The following TLN2 variants were observed in gnomAD, a reference collection of about 807,000 sequenced individuals.
TLN2 encodes talin-2.
TLN2 carries 118 observed loss-of-function variants against 294.7 expected under a neutral mutation model. The ratio of observed to expected loss-of-function variants is 0.40; its 90% CI spans 0.34 to 0.47. The LOEUF is 0.47. Ranked by LOEUF, TLN2 falls within the 20% of genes least tolerant of loss-of-function variation. The pLI is 0.84. For missense variants in TLN2, 3,083 were observed against 3,282.2 expected (o/e 0.94, Z 1.48); for synonymous variants, 1,431 against 1,304.5 (o/e 1.10, Z -2.09).
rs752300501 is a variant in TLN2 at position 62,840,632 on chromosome 15, G to T, written c.*22G>T. 4 of 1,610,830 alleles carry T rather than the reference G, an allele frequency of 2.5e-6. No homozygotes were observed. The highest frequency in any genetic ancestry group is 2.7e-5 in the African/African-American group (2 of 74,716). The stretch of plus-strand genomic sequence containing the variant: ...CTAAAGGTGCGAGCCCAGATGGCGA[G>T]CCCCAGGGGATGGCCCTGGCTGAAC... On this transcript the variant is annotated 3_prime_UTR_variant, in exon 59 of 59. Transcript: ENST00000636159.
At chr15:62,830,364 G>A (rs1296161962) in intron 54 of TLN2, 1 of 152,588 alleles carries the variant, frequency 6.6e-6, no homozygotes, top group Non-Finnish European at 1.5e-5. Flanking sequence ...GCACCATGTT[G>A]TTCTTCTTAG....
intron 11 of TLN2, 46 bp from the exon 12 acceptor site, chr15:62,686,595 A>T (rs1008656270): frequency 2.5e-6 from 4 of 1,575,606 alleles, no homozygotes; most frequent in African/African-American, 2.7e-5. Context: ...GCAAAGTCAG[A>T]TGTATTCAGA....
intron 43 of TLN2, among the ~76,000 whole-genome samples, chr15:62,780,397 G>A (rs1023270829): frequency 6.6e-6 from 1 of 152,140 alleles, no homozygotes; most frequent in African/African-American, 2.4e-5. Context: ...GTAACCATGT[G>A]ATGCCTGGAA....
At chr15:62,486,953 C>T (rs559118693) in intron 1 of TLN2, among the ~76,000 whole-genome samples, 3 of 152,194 alleles carry the variant, frequency 2.0e-5, no homozygotes, top group African/African-American at 7.2e-5. Flanking sequence ...GATTTGAACA[C>T]ACCGTTAATC....
chr15:62,725,756 G>A (rs1468385185), intron 27 of TLN2, among the ~76,000 whole-genome samples: 1 of 152,136 alleles, frequency 6.6e-6, no homozygotes, highest in African/African-American at 2.4e-5. Context: ...AAACACAGAG[G>A]CACAGAGTTT....
chr15:62,566,711 A>G (rs1339698067), intron 1 of TLN2, among the ~76,000 whole-genome samples: 1 of 150,606 alleles, frequency 6.6e-6, no homozygotes, highest in Non-Finnish European at 1.5e-5. Flanking sequence ...GCAGCCCCAA[A>G]CTCCTGGACT....
intron 3 of TLN2, 72 bp from the exon 4 acceptor site, chr15:62,647,202 CT>C: frequency 4.2e-6 from 6 of 1,413,832 alleles, no homozygotes; most frequent in South Asian, 2.8e-5. Context: ...AAGTCCAGCA[CT>C]TTTTTTGTTT....
At chr15:62,593,659 C>G (rs1054317074) in intron 2 of TLN2, among the ~76,000 whole-genome samples, 3 of 152,136 alleles carry the variant, frequency 2.0e-5, no homozygotes, top group Admixed American at 2.0e-4. Flanking sequence ...AAAACAATCA[C>G]TTTTCTTTTT....
At chr15:62,524,176 A>G (rs766440005) in intron 1 of TLN2, among the ~76,000 whole-genome samples, 3 of 152,226 alleles carry the variant, frequency 2.0e-5, no homozygotes, top group Non-Finnish European at 4.4e-5. Flanking sequence ...ATTCTGGGCT[A>G]TTCCAGCATT....
At chr15:62,834,705 A>G (rs182874650) in intron 55 of TLN2, 1 of 152,200 alleles carries the variant, frequency 6.6e-6, no homozygotes, top group Admixed American at 6.5e-5. Context: ...CGGAATGCCA[A>G]CCTTGTCCGT....
intron 1 of TLN2, among the ~76,000 whole-genome samples, chr15:62,566,264 ACTT>A (rs1315974460): frequency 6.6e-6 from 1 of 152,090 alleles, no homozygotes; most frequent in Non-Finnish European, 1.5e-5. Context: ...GGACATCAGT[ACTT>A]CTCTGTTCGT....
chr15:62,428,953 TCACTGACTCA>T (rs1299122163), intron 1 of TLN2, among the ~76,000 whole-genome samples: 3 of 152,124 alleles, frequency 2.0e-5, no homozygotes, highest in Non-Finnish European at 2.9e-5. Context: ...TCACCCAGAC[TCACTGACTCA>T]GAGCTTCTGG....
chr15:62,750,581 G>T, intron 34 of TLN2, 90 bp downstream of exon 34: 2 of 1,152,132 alleles, frequency 1.7e-6, no homozygotes, highest in Non-Finnish European at 2.6e-6. Flanking sequence ...TCTGCCTGTG[G>T]CTGGTCTGCA....
intron 11 of TLN2, among the ~76,000 whole-genome samples, chr15:62,680,033 A>C (rs1490718067): frequency 6.6e-6 from 1 of 152,194 alleles, no homozygotes; most frequent in East Asian, 1.9e-4. Flanking sequence ...TTCTTGTTCA[A>C]ATATGTGTCC....
At chr15:62,451,385 A>G (rs955019528) in intron 1 of TLN2, among the ~76,000 whole-genome samples, 19 of 152,300 alleles carry the variant, frequency 1.2e-4, no homozygotes, top group African/African-American at 4.6e-4. Context: ...GGCTGGGCAC[A>G]GTGGCTCACA....
intron 9 of TLN2, among the ~76,000 whole-genome samples, chr15:62,673,237 A>G (rs1203058998): frequency 6.8e-6 from 1 of 146,576 alleles, no homozygotes; most frequent in Admixed American, 7.0e-5. Flanking sequence ...GTTACTTGAC[A>G]TAATTATTCT....
At chr15:62,533,213 C>G (rs1344957792) in intron 1 of TLN2, among the ~76,000 whole-genome samples, 2 of 136,188 alleles carry the variant, frequency 1.5e-5, no homozygotes, top group Non-Finnish European at 3.0e-5. Context: ...GAGATTGTAC[C>G]ATTGCACTCC....
At chr15:62,545,514 TTGTGTGTGTGTGTG>T (rs56777565) in intron 1 of TLN2, among the ~76,000 whole-genome samples, 5 of 146,030 alleles carry the variant, frequency 3.4e-5, no homozygotes, top group Admixed American at 2.1e-4. Context: ...TTCTTTCTCT[TTGTGTGTGTGTGTG>T]TGTGTGTGTG....
intron 2 of TLN2, among the ~76,000 whole-genome samples, chr15:62,612,149 T>C (rs2047970241): frequency 6.6e-6 from 1 of 152,184 alleles, no homozygotes. Flanking sequence ...CAGTATTAAA[T>C]ATATGTTGAT....
Sources: gnomAD v4.1 joint callset for allele counts (sites outside exome capture counted in the v4.1 genomes callset) on GRCh38, gnomAD v4.1.1 for gene constraint, MANE v1.5 for transcripts, NCBI Gene and HGNC (gene_info 2026-07-23, HGNC 2026-07-21) for gene names.